Variants in GRM7 observed in about 807,000 individuals in gnomAD.
GRM7 encodes the protein metabotropic glutamate receptor 7.
In GRM7, 35 loss-of-function variants were observed where a neutral mutation model predicts 84.5. That is an observed-to-expected ratio of 0.41 (90% CI 0.32 to 0.55). The LOEUF is 0.55. GRM7 is among the 20% of genes least tolerant of loss of function. The pLI, the probability that GRM7 is intolerant of heterozygous loss-of-function variation, is 0.19. For synonymous variants in GRM7, 487 were observed against 455.1 expected, an observed-to-expected ratio of 1.07 and a Z score of -0.89; for missense variants, 1,003 against 1,194.6, an observed-to-expected ratio of 0.84 and a Z score of 2.36.
chr3:7,192,882 G>A (rs114486847), intron 2 of GRM7, among the ~76,000 whole-genome samples: 2 of 152,034 alleles, frequency 1.3e-5, no homozygotes, highest in African/African-American at 4.8e-5. Flanking sequence ...TGTCACTGGT[G>A]AATCCTGCCA....
chr3:7,592,797 C>T (rs73809448), intron 8 of GRM7, among the ~76,000 whole-genome samples: 10 of 152,002 alleles, frequency 6.6e-5, no homozygotes, highest in Admixed American at 2.6e-4. Flanking sequence ...TATATGGAAC[C>T]GAGAAACCTT....
At chr3:7,595,833 C>G (rs1696015711) in intron 8 of GRM7, among the ~76,000 whole-genome samples, 1 of 151,948 alleles carries the variant, frequency 6.6e-6, no homozygotes, top group African/African-American at 2.4e-5. Context: ...AGGAAAGAGT[C>G]CAGGAGGGGG....
At chr3:7,440,640 G>C (rs1235703424) in intron 5 of GRM7, among the ~76,000 whole-genome samples, 1 of 152,080 alleles carries the variant, frequency 6.6e-6, no homozygotes, top group East Asian at 1.9e-4. Flanking sequence ...TAGTTTTTCA[G>C]TTCTCATCTT....
intron 7 of GRM7, among the ~76,000 whole-genome samples, chr3:7,566,614 A>AG (rs1694284127): frequency 6.6e-6 from 1 of 151,882 alleles, no homozygotes; most frequent in Non-Finnish European, 1.5e-5. Context: ...TGGCTTTTCT[A>AG]CTGGCAGAAC....
intron 8 of GRM7, among the ~76,000 whole-genome samples, chr3:7,655,580 A>C (rs1016467652): frequency 6.6e-6 from 1 of 152,192 alleles, no homozygotes; most frequent in African/African-American, 2.4e-5. Context: ...TTGGTTTGAG[A>C]ATGCACTTAT....
intron 1 of GRM7, among the ~76,000 whole-genome samples, chr3:6,897,476 C>G (rs1696225249): frequency 6.6e-6 from 1 of 152,186 alleles, no homozygotes; most frequent in Non-Finnish European, 1.5e-5. Context: ...TCTTAAACTC[C>G]ACTCAGCCAT....
chr3:7,431,877 A>G (rs1332320966), intron 5 of GRM7, among the ~76,000 whole-genome samples: 2 of 152,188 alleles, frequency 1.3e-5, no homozygotes, highest in East Asian at 1.9e-4. Context: ...AGAAATAAAT[A>G]TGCATTCAAA....
chr3:7,645,402 C>G (rs1698580743), intron 8 of GRM7, among the ~76,000 whole-genome samples: 1 of 151,778 alleles, frequency 6.6e-6, no homozygotes, highest in African/African-American at 2.4e-5. Flanking sequence ...CAAAAATTAG[C>G]TGGGTGTGGT....
At chr3:7,332,966 C>T (rs1701266963) in intron 4 of GRM7, among the ~76,000 whole-genome samples, 1 of 152,092 alleles carries the variant, frequency 6.6e-6, no homozygotes, top group Non-Finnish European at 1.5e-5. Flanking sequence ...CTTATCCTAG[C>T]CAATGCAGGG....
chr3:7,665,326 CG>C (rs1242563574), intron 8 of GRM7, among the ~76,000 whole-genome samples: 3 of 151,546 alleles, frequency 2.0e-5, no homozygotes, highest in African/African-American at 7.3e-5. Flanking sequence ...TGCCCGCCAC[CG>C]CACCCGGCTA....
intron 1 of GRM7, among the ~76,000 whole-genome samples, chr3:7,034,290 T>G (rs1696296630): frequency 6.6e-6 from 1 of 151,456 alleles, no homozygotes; most frequent in Admixed American, 6.6e-5. Context: ...CTGGTGGGGG[T>G]TAAAAAAAAA....
chr3:7,460,384 T>A (rs1471594234), intron 6 of GRM7, among the ~76,000 whole-genome samples: 1 of 135,646 alleles, frequency 7.4e-6, no homozygotes, highest in Non-Finnish European at 1.7e-5. Context: ...TCTGTCACTA[T>A]AAACAATTTT....
intron 1 of GRM7, among the ~76,000 whole-genome samples, chr3:7,040,886 C>T (rs916175167): frequency 1.3e-5 from 2 of 151,658 alleles, no homozygotes; most frequent in African/African-American, 4.8e-5. Context: ...AGTTCAAGAC[C>T]ACCCTGGGCA....
intron 1 of GRM7, among the ~76,000 whole-genome samples, chr3:6,871,455 T>TAAA (rs959991360): frequency 6.6e-6 from 1 of 152,104 alleles, no homozygotes; most frequent in Non-Finnish European, 1.5e-5. Flanking sequence ...GGGCTTATCT[T>TAAA]AAAATATGCC....
At chr3:7,385,521 C>G (rs574264299) in intron 4 of GRM7, among the ~76,000 whole-genome samples, 2 of 151,842 alleles carry the variant, frequency 1.3e-5, no homozygotes, top group African/African-American at 4.8e-5. Context: ...AGGATGGTCT[C>G]GATCTCCTGA....
rs369829293 is a variant in GRM7 at position 6,861,547 on chromosome 3, G to T, written c.159G>T (p.Gly53=). 2.5e-6 allele frequency: 4 copies of T among 1,587,912 alleles called. No individual in the cohort carries two copies. Among genetic ancestry groups the T allele is most frequent in the Admixed American group, 1.8e-5 (1 of 57,054 alleles). Reference sequence around the variant, plus strand: ...TCGAGGGGGACGTCACCCTCGGGGGGCTGTTCCCCGTGCACGCCAAGGGTC... The same window carrying T: ...TCGAGGGGGACGTCACCCTCGGGGGTCTGTTCCCCGTGCACGCCAAGGGTC... ...IRIEGDVTLG[G]LFPVHAKGPS... Residue 53 remains glycine, a synonymous_variant, in exon 1 of 10, where the codon GGG becomes GGT. Coordinates refer to ENST00000357716, the MANE Select transcript of GRM7 (RefSeq NM_000844.4). This position sits in a 1 kb window ranked among gnomAD's most constrained non-coding sequence, Gnocchi z 6.4.
chr3:7,494,779 G>A (rs933337832), intron 7 of GRM7, among the ~76,000 whole-genome samples: 16 of 152,094 alleles, frequency 1.1e-4, no homozygotes, highest in African/African-American at 3.9e-4. Context: ...AAGCAATATT[G>A]TTTTCACTGG....
Position 7,710,685 on chromosome 3 carries a change from C to G in GRM7, c.2699-29672C>G, listed in dbSNP as rs116018634. 4.4e-3 allele frequency among the ~76,000 whole-genome samples: 664 copies of G among 152,298 alleles called. 1 individual carries two copies. Among genetic ancestry groups the G allele is most frequent in the Non-Finnish European group, 7.9e-3 (538 of 68,026 alleles). ...ATTAGTCCTTCCCCGGTAAACTTCA[C>G]AAGCCAGAAGATGCTGGGCTCTTTC... On this transcript the variant is annotated intron_variant, in intron 9 of 9. Coordinates refer to ENST00000357716, the MANE Select transcript of GRM7 (RefSeq NM_000844.4).
intron 2 of GRM7, among the ~76,000 whole-genome samples, chr3:7,191,609 A>C (rs1456687677): frequency 6.6e-6 from 1 of 151,424 alleles, no homozygotes; most frequent in East Asian, 1.9e-4. Flanking sequence ...GATAAATCAC[A>C]AATGCGTTAT....
Sources: allele counts gnomAD v4.1 joint callset (sites outside exome capture counted in the v4.1 genomes callset), GRCh38; gene constraint gnomAD v4.1.1; non-coding constraint Gnocchi (gnomAD v3.1); transcripts MANE v1.5; gene names NCBI Gene and HGNC (gene_info 2026-07-23, HGNC 2026-07-21).